Variants in IL1F10 observed in about 807,000 individuals in gnomAD.
The protein encoded by IL1F10 is interleukin-1 family member 10.
A neutral mutation model predicts 13.1 loss-of-function variants in IL1F10; 13 were observed. That is an observed-to-expected ratio of 0.99 (90% CI 0.64 to 1.57). The LOEUF is 1.57. IL1F10 is among the 40% of genes most tolerant of loss of function. The pLI, the probability that IL1F10 is intolerant of heterozygous loss-of-function variation, is 0.00. For missense variants in IL1F10, 191 were observed against 184.1 expected (o/e 1.04, Z -0.22); for synonymous variants, 78 against 68.2 (o/e 1.14, Z -0.71).
intron 2 of IL1F10, among the ~76,000 whole-genome samples, chr2:113,073,617 G>A (rs1197831293): frequency 6.6e-6 from 1 of 152,206 alleles, no homozygotes; most frequent in Non-Finnish European, 1.5e-5. Flanking sequence ...AACACGCCCA[G>A]GATCTTTCCG....
At chr2:113,073,688 G>A (rs983187285) in intron 2 of IL1F10, among the ~76,000 whole-genome samples, 1 of 152,136 alleles carries the variant, frequency 6.6e-6, no homozygotes. Context: ...TTAGCTAAGG[G>A]TATTATCGTT....
intron 3 of IL1F10, 60 bp downstream of exon 3, chr2:113,074,474 T>A (rs1685898321): frequency 7.4e-7 from 1 of 1,345,958 alleles, no homozygotes; most frequent in Non-Finnish European, 1.1e-6. Flanking sequence ...CTTCTCTTCT[T>A]CCCTTTCCTC....
At chr2:113,070,265 G>T (rs547162076) in intron 1 of IL1F10, among the ~76,000 whole-genome samples, 69 of 152,332 alleles carry the variant, frequency 4.5e-4, no homozygotes, top group African/African-American at 1.6e-3. Context: ...TGATGGACCA[G>T]ACGCTAGCTT....
chr2:113,074,957 T>C lies in IL1F10; in HGVS notation c.246+107T>C, dbSNP rs182666752. On this transcript the variant is annotated intron_variant, in intron 4 of 4. Transcript: ENST00000341010. ...GTGGATTCCCAGCCAGGTCCACATG[T>C]CCTACTTCCTCAGGTTTCCACCATC... is the stretch of plus-strand genomic sequence containing the variant. 8.5e-6 allele frequency: 12 copies of C among 1,405,674 alleles called. No individual in the cohort carries two copies. In the African/African-American group the frequency reaches 1.4e-4, roughly 17 times the overall value. 87.1% of individuals were successfully genotyped at this position (1,405,674 alleles called of 1,614,324 possible).
chr2:113,070,371 G>A (rs976244289), intron 1 of IL1F10, among the ~76,000 whole-genome samples: 2 of 152,206 alleles, frequency 1.3e-5, no homozygotes, highest in Admixed American at 6.5e-5. Flanking sequence ...TTTTGGCTGT[G>A]CCAGAATGGG....
Position 113,074,761 on chromosome 2 carries a change from A to C in IL1F10, c.157A>C (p.Thr53Pro), listed in dbSNP as rs1685906793. Residue 53 changes from threonine (T) to proline (P), a missense_variant, in exon 4 of 5, where the codon ACC (threonine) becomes CCC (proline). Thr to Pro is a conservative substitution (Grantham distance 38). Coordinates refer to ENST00000341010, the MANE Select transcript of IL1F10 (RefSeq NM_173161.3). ...CILPNRGLARTKVPIFLGIQG... is the reference protein window; with the variant it reads ...CILPNRGLARPKVPIFLGIQG... ...ACTTCCTAACAGAGGCTTGGCCCGC[A>C]CCAAGGTCCCCATTTTCCTGGGGAT... is the stretch of plus-strand genomic sequence containing the variant. The C allele has an allele frequency of 6.2e-7, 1 of 1,613,572 alleles. No individual in the cohort carries two copies. Among genetic ancestry groups the C allele is most frequent in the Admixed American group, 1.7e-5 (1 of 59,994 alleles).
chr2:113,070,013 A>G, intron 1 of IL1F10, among the ~76,000 whole-genome samples: 1 of 152,228 alleles, frequency 6.6e-6, no homozygotes. Context: ...GCAAAAGAAC[A>G]TGGGGAAAGC....
chr2:113,073,571 A>G (rs1277888792), intron 2 of IL1F10, among the ~76,000 whole-genome samples: 1 of 152,234 alleles, frequency 6.6e-6, no homozygotes, highest in African/African-American at 2.4e-5. Context: ...GAGTTGTCAC[A>G]TCTGGGTTGT....
At chr2:113,074,528 G>T (rs1288277469) in intron 3 of IL1F10, 114 bp downstream of exon 3, 6 of 1,080,738 alleles carry the variant, frequency 5.6e-6, no homozygotes, top group Non-Finnish European at 5.7e-6. Context: ...AGTGAGAAGG[G>T]CCAGAGAGCA....
In IL1F10 at chr2:113,071,572, G is replaced by A. The variant is rs370217193; in HGVS notation, c.-28-1139G>A. Among the ~76,000 whole-genome samples, 175 of 152,200 alleles carry A rather than the reference G, an allele frequency of 1.1e-3. 5 individuals carry two copies. The South Asian group carries it at 0.035, about 30-fold the overall frequency. ...TCTCAAAGTCATACCCCAAGGCCTG[G>A]GGACAGAAAATGACTTGTCCAAAGT... On this transcript the variant is annotated intron_variant, in intron 1 of 4. Transcript: ENST00000341010.
Position 113,074,709 on chromosome 2 carries a change from C to G in IL1F10, c.119-14C>G, listed in dbSNP as rs1356558469. ...TTCCCTTGTCCCTTGACTCTTCTCT[C>G]TCTTCCCTCCTAGAGAAGATCTGCA... On this transcript the variant is annotated splice_polypyrimidine_tract_variant and intron_variant, in intron 3 of 4. Coordinates refer to ENST00000341010, the MANE Select transcript of IL1F10 (RefSeq NM_173161.3). 4 of 1,613,056 alleles carry G rather than the reference C, an allele frequency of 2.5e-6. No homozygotes were observed. Among genetic ancestry groups the G allele is most frequent in the Admixed American group, 1.7e-5 (1 of 60,006 alleles).
intron 1 of IL1F10, among the ~76,000 whole-genome samples, chr2:113,070,282 C>CTTACTCACTTCA: frequency 6.6e-6 from 1 of 152,230 alleles, no homozygotes; most frequent in Non-Finnish European, 1.5e-5. Flanking sequence ...GCTTCCTACC[C>CTTACTCACTTCA]TTACTCACTT....
chr2:113,070,082 G>A (rs1307987726), intron 1 of IL1F10, among the ~76,000 whole-genome samples: 2 of 152,200 alleles, frequency 1.3e-5, no homozygotes, highest in Non-Finnish European at 2.9e-5. Context: ...AGGTCTGAGA[G>A]CCAGATGCCA....
At chr2:113,071,534 C>A (rs540843343) in intron 1 of IL1F10, among the ~76,000 whole-genome samples, 16 of 152,332 alleles carry the variant, frequency 1.1e-4, no homozygotes, top group African/African-American at 3.8e-4. Flanking sequence ...TCCCTATTAT[C>A]CTTCACTCTA....
intron 1 of IL1F10, 68 bp from the exon 2 acceptor site, chr2:113,072,643 C>T (rs1051458295): frequency 5.5e-6 from 6 of 1,089,186 alleles, no homozygotes; most frequent in Non-Finnish European, 1.4e-6. Context: ...TGGTTCTAAG[C>T]CCCAGCACGT....
chr2:113,072,848 G>A, intron 2 of IL1F10, 78 bp downstream of exon 2: 2 of 1,277,656 alleles, frequency 1.6e-6, no homozygotes, highest in Non-Finnish European at 2.3e-6. Context: ...TGAGTCAGAG[G>A]ATGAGGCTCC....
At chr2:113,072,643 C>A in intron 1 of IL1F10, 68 bp from the exon 2 acceptor site, 2 of 1,089,294 alleles carry the variant, frequency 1.8e-6, no homozygotes, top group Non-Finnish European at 2.8e-6. Flanking sequence ...TGGTTCTAAG[C>A]CCCAGCACGT....
chr2:113,074,275 G>A, intron 2 of IL1F10, 54 bp from the exon 3 acceptor site: 1 of 1,142,146 alleles, frequency 8.8e-7, no homozygotes, highest in East Asian at 2.4e-5. Context: ...GAAGGGCTTG[G>A]GGGCCAGTGG....
At chr2:113,074,616 G>A (rs1175351247) in intron 3 of IL1F10, 107 bp from the exon 4 acceptor site, 1 of 1,409,748 alleles carries the variant, frequency 7.1e-7, no homozygotes, top group Admixed American at 1.7e-5. Context: ...GCAGGGCCAG[G>A]CCAGGTGTGC....
Sources: gnomAD v4.1 joint callset for allele counts (sites outside exome capture counted in the v4.1 genomes callset) on GRCh38, gnomAD v4.1.1 for gene constraint, MANE v1.5 for transcripts, NCBI Gene and HGNC (gene_info 2026-07-23, HGNC 2026-07-21) for gene names.